The following SCP2 variants were observed in gnomAD, a reference collection of about 807,000 sequenced individuals.
The protein encoded by SCP2 is SCP-2/3-oxoacyl-CoA thiolase.
In SCP2, 48 loss-of-function variants were observed where a neutral mutation model predicts 71.4. The ratio of observed to expected loss-of-function variants is 0.67; its 90% CI spans 0.53 to 0.86. SCP2 has a LOEUF of 0.86. Ranked by LOEUF, SCP2 falls within the 40% of genes least tolerant of loss-of-function variation. The pLI, the probability that SCP2 is intolerant of heterozygous loss-of-function variation, is 0.00. For synonymous variants in SCP2, 220 were observed against 218.1 expected (o/e 1.01, Z -0.08); for missense variants, 560 against 655.6 (o/e 0.85, Z 1.59).
At chr1:53,001,747 A>C (rs1041240028) in intron 11 of SCP2, among the ~76,000 whole-genome samples, 6 of 152,180 alleles carry the variant, frequency 3.9e-5, no homozygotes, top group Non-Finnish European at 7.3e-5. Context: ...TATCCACCTT[A>C]TGAAGCTTTT....
At chr1:53,012,874 C>G (rs1661071796) in intron 11 of SCP2, among the ~76,000 whole-genome samples, 1 of 152,132 alleles carries the variant, frequency 6.6e-6, no homozygotes, top group Admixed American at 6.5e-5. Flanking sequence ...AGTATTTTCT[C>G]AAATAGTTGT....
intron 12 of SCP2, among the ~76,000 whole-genome samples, chr1:53,021,451 G>A (rs1661719278): frequency 6.6e-6 from 1 of 151,244 alleles, no homozygotes; most frequent in Admixed American, 6.6e-5. Context: ...TGAGTAGCTG[G>A]GACTACAGGC....
chr1:53,003,266 T>G (rs1197665445), intron 11 of SCP2, among the ~76,000 whole-genome samples: 1 of 152,342 alleles, frequency 6.6e-6, no homozygotes, highest in African/African-American at 2.4e-5. Flanking sequence ...TTGCTCTGGC[T>G]GGAGTGCAGT....
At position 53,047,716 on chromosome 1, in the gene SCP2, A is replaced by G. The variant is rs77330664; in HGVS notation, c.1469-142A>G. On this transcript the variant is annotated intron_variant, in intron 14 of 15. Coordinates refer to ENST00000371514, the MANE Select transcript of SCP2 (RefSeq NM_002979.5). ...ATGTCACATTTTACCAGGCTGCCAT[A>G]GAAGTATATGTGAGTGCCCATTTCC... is the stretch of plus-strand genomic sequence containing the variant. 1,506 of 666,758 alleles carry G rather than the reference A, an allele frequency of 2.3e-3. 25 individuals carry two copies. In the African/African-American group the frequency reaches 0.024, roughly 11 times the overall value. The allele number at this position is 666,758 out of a possible 1,614,324, so 41.3% of individuals were successfully genotyped here. A position where few individuals can be genotyped will look rare whatever the true frequency, so the allele number is the denominator to read the frequency against.
At chr1:52,959,721 G>A (rs1327561362) in intron 5 of SCP2, among the ~76,000 whole-genome samples, 1 of 151,896 alleles carries the variant, frequency 6.6e-6, no homozygotes, top group East Asian at 1.9e-4. Context: ...AGTCATTCAT[G>A]TTATTCCCGT....
At chr1:52,983,173 G>A (rs1658683047) in intron 10 of SCP2, among the ~76,000 whole-genome samples, 1 of 152,156 alleles carries the variant, frequency 6.6e-6, no homozygotes. Context: ...TCTTCTGACC[G>A]CCATAGTTTC....
chr1:52,940,087 T>G (rs1009380928), intron 1 of SCP2, among the ~76,000 whole-genome samples: 1 of 152,158 alleles, frequency 6.6e-6, no homozygotes, highest in Non-Finnish European at 1.5e-5. Flanking sequence ...TATCTGATTG[T>G]TGTTTTATTC....
At chr1:52,999,435 T>C (rs1660158995) in intron 11 of SCP2, among the ~76,000 whole-genome samples, 2 of 152,204 alleles carry the variant, frequency 1.3e-5, no homozygotes, top group African/African-American at 2.4e-5. Context: ...ATGGTGTTAA[T>C]TTAATTGTAA....
chr1:53,004,651 T>G (rs1237456656), intron 11 of SCP2, among the ~76,000 whole-genome samples: 1 of 152,148 alleles, frequency 6.6e-6, no homozygotes, highest in African/African-American at 2.4e-5. Flanking sequence ...CTCCCTGCCT[T>G]TAAGAAGGTT....
At chr1:52,973,212 G>A (rs1476303955) in intron 6 of SCP2, among the ~76,000 whole-genome samples, 2 of 152,174 alleles carry the variant, frequency 1.3e-5, no homozygotes, top group African/African-American at 4.8e-5. Context: ...ATTGGGAAAT[G>A]CTTCATACTT....
At chr1:52,976,014 T>C (rs976252657) in intron 7 of SCP2, among the ~76,000 whole-genome samples, 2 of 152,140 alleles carry the variant, frequency 1.3e-5, no homozygotes, top group Non-Finnish European at 2.9e-5. Context: ...CTCAGGAAAG[T>C]ACTTAAAATT....
At chr1:53,037,173 T>C (rs1663010182) in intron 13 of SCP2, among the ~76,000 whole-genome samples, 2 of 151,838 alleles carry the variant, frequency 1.3e-5, no homozygotes, top group Non-Finnish European at 2.9e-5. Context: ...GAATGATTTA[T>C]ATTTTCTTCT....
intron 9 of SCP2, among the ~76,000 whole-genome samples, chr1:52,980,131 G>A (rs888648310): frequency 1.3e-5 from 2 of 151,860 alleles, no homozygotes; most frequent in African/African-American, 2.4e-5. Flanking sequence ...ATACTACCAC[G>A]CCAGGCTAAT....
chr1:52,937,258 T>G (rs1300115356), intron 1 of SCP2, among the ~76,000 whole-genome samples: 1 of 152,174 alleles, frequency 6.6e-6, no homozygotes, highest in African/African-American at 2.4e-5. Flanking sequence ...CTGAAAGAAT[T>G]GAAAGTGGAT....
At chr1:53,029,073 C>T (rs1662337648) in intron 13 of SCP2, among the ~76,000 whole-genome samples, 1 of 151,882 alleles carries the variant, frequency 6.6e-6, no homozygotes, top group African/African-American at 2.4e-5. Context: ...ACCGTGCCCA[C>T]CACAACACCT....
rs537630680 is a variant in SCP2, at chr1:52,954,824, A to G, written c.396+20A>G. 3 of 1,596,986 alleles carry G rather than the reference A, an allele frequency of 1.9e-6. No individual in the cohort carries two copies. The highest frequency in any genetic ancestry group is 1.1e-5 in the South Asian group (1 of 90,732). On this transcript the variant is annotated intron_variant, in intron 5 of 15. Transcript: ENST00000371514. ...ATAAAAGTGAGTGTTATTTTGGCAT[A>G]GTTACTAAATGAGCTAATATAACCC...
At chr1:53,027,806 A>C (rs1228058510) in intron 12 of SCP2, among the ~76,000 whole-genome samples, 163 bp from the exon 13 acceptor site, 1 of 152,206 alleles carries the variant, frequency 6.6e-6, no homozygotes, top group East Asian at 1.9e-4. Flanking sequence ...GCGCCCGGCC[A>C]AGCTTAATTA....
Position 52,932,887 on chromosome 1 carries a change from G to A in SCP2, c.69+5422G>A, listed in dbSNP as rs565994406. ...CTTGAGAATTAAGATTCTTGGTGGA[G>A]GAGAAAAGAGATACAGATGTAATAC... is the stretch of plus-strand genomic sequence containing the variant. On this transcript the variant is annotated intron_variant, in intron 1 of 15. Coordinates refer to ENST00000371514, the MANE Select transcript of SCP2 (RefSeq NM_002979.5). Among the ~76,000 whole-genome samples the A allele has an allele frequency of 9.2e-5, 14 of 152,184 alleles. 1 individual carries two copies. The South Asian group carries it at 2.7e-3, about 29-fold the overall frequency.
intron 11 of SCP2, chr1:52,993,610 C>T: frequency 1.9e-6 from 3 of 1,612,304 alleles, no homozygotes; most frequent in Non-Finnish European, 2.5e-6. Flanking sequence ...CTGCTGTATC[C>T]AAAATATCTA....
Sources: allele counts gnomAD v4.1 joint callset (sites outside exome capture counted in the v4.1 genomes callset), GRCh38; gene constraint gnomAD v4.1.1; transcripts MANE v1.5; gene names NCBI Gene and HGNC (gene_info 2026-07-23, HGNC 2026-07-21).